Variants in CRB2 observed in about 807,000 individuals in gnomAD.
CRB2 encodes the protein protein crumbs homolog 2.
CRB2 carries 85 observed loss-of-function variants against 110.9 expected under a neutral mutation model. The ratio of observed to expected loss-of-function variants is 0.77; its 90% CI spans 0.64 to 0.92. The LOEUF is 0.92. Among genes scored for constraint, CRB2 ranks in the 40% least tolerant of loss-of-function variants. The probability of loss-of-function intolerance (pLI) is 0.00; values close to 1 mark genes in which losing one functional copy is unlikely to be tolerated. For missense variants in CRB2, 1,843 were observed against 1,851.3 expected (o/e 1.00, Z 0.08); for synonymous variants, 907 against 831.0 (o/e 1.09, Z -1.57).
intron 6 of CRB2, 86 bp from the exon 7 acceptor site, chr9:123,370,022 C>T: frequency 6.9e-7 from 1 of 1,451,794 alleles, no homozygotes; most frequent in South Asian, 1.4e-5. Flanking sequence ...ACTGAGGTCC[C>T]CATCATAAGA....
At chr9:123,362,832 C>T (rs1356526454) in intron 1 of CRB2, 33 bp from the exon 2 acceptor site, 2 of 1,540,290 alleles carry the variant, frequency 1.3e-6, no homozygotes, top group Non-Finnish European at 8.8e-7. Context: ...TAACCTCTGC[C>T]CACCCTGCCC....
rs766249014 is a variant in CRB2, at chr9:123,370,146, G to C, written c.1093G>C (p.Asp365His). ...GGAAGATGTGGATGAATGCCTGTCG[G>C]ATCCCTGCCTGCACGGCGGAACCTG... ...CEEDVDECLS[D>H]PCLHGGTCSD... Residue 365 changes from aspartate to histidine, a missense_variant, in exon 7 of 13, where the codon GAT (aspartate) becomes CAT (histidine). Transcript: ENST00000373631. The C allele has an allele frequency of 7.5e-6, 12 of 1,604,520 alleles. No individual in the cohort carries two copies. Among genetic ancestry groups the C allele is most frequent in the South Asian group, 1.1e-5 (1 of 90,100 alleles).
At position 123,370,783 on chromosome 9, in the gene CRB2, C is replaced by T. The variant is rs1236772210; in HGVS notation, c.1730C>T (p.Ala577Val). ...SSAQLGDATFAGCLQDVRVDG... is the reference protein window; with the variant it reads ...SSAQLGDATFVGCLQDVRVDG... Reference sequence around the variant, plus strand: ...GCCCAGCTGGGGGACGCGACCTTTGCAGGCTGCCTCCAGGACGTGCGTGTG... The same window carrying T: ...GCCCAGCTGGGGGACGCGACCTTTGTAGGCTGCCTCCAGGACGTGCGTGTG... Residue 577 changes from alanine to valine, a missense_variant, in exon 7 of 13, where the codon GCA (alanine) becomes GTA (valine). By Grantham distance (64) the Ala-to-Val change is moderately conservative (BLOSUM62 0). Transcript: ENST00000373631. The T allele has an allele frequency of 8.7e-6, 14 of 1,602,768 alleles. No homozygotes were observed. The East Asian group carries it at 2.7e-4, about 31-fold the overall frequency.
intron 1 of CRB2, among the ~76,000 whole-genome samples, chr9:123,357,347 A>G (rs2041811798): frequency 6.6e-6 from 1 of 151,812 alleles, no homozygotes; most frequent in South Asian, 2.1e-4. Flanking sequence ...GAGGGAGCCA[A>G]GGAGGGCCTG....
In CRB2 at chr9:123,373,573, G is replaced by C; in HGVS notation, c.3042G>C (p.Leu1014Phe). Residue 1014 changes from leucine to phenylalanine, a missense_variant, in exon 10 of 13, where the codon TTG (leucine) becomes TTC (phenylalanine). By Grantham distance (22) the Leu-to-Phe change is conservative. Transcript: ENST00000373631. Reference sequence around the variant, plus strand: ...TGGCTGAGAACTTCACCGGCTGCTTGGGCCGCGTGGCGCTGGGCGGCCTGC... The same window carrying C: ...TGGCTGAGAACTTCACCGGCTGCTTCGGCCGCGTGGCGCTGGGCGGCCTGC... ...ILLAENFTGC[L>F]GRVALGGLPL... is the part of the protein sequence containing the mutation. The C allele has an allele frequency of 4.1e-6, 6 of 1,460,682 alleles. No individual in the cohort carries two copies. The highest frequency in any genetic ancestry group is 5.4e-6 in the Non-Finnish European group (6 of 1,109,232). 90.5% of individuals were successfully genotyped at this position (1,460,682 alleles called of 1,614,324 possible).
intron 1 of CRB2, among the ~76,000 whole-genome samples, chr9:123,359,102 C>T (rs2041831673): frequency 6.6e-6 from 1 of 152,116 alleles, no homozygotes; most frequent in Non-Finnish European, 1.5e-5. Context: ...GCTATTGTTG[C>T]AATTACTGTT....
Position 123,362,937 on chromosome 9 carries a change from C to T in CRB2, c.167C>T (p.Thr56Ile). ...GCTCCAGGGACCGAGTGCCAGGCTA[C>T]CGAGAGTGGTGGCTATACCTGTGGG... Reference protein sequence around the residue: ...PCAPGTECQATESGGYTCGPM... With the variant: ...PCAPGTECQAIESGGYTCGPM... The change falls in exon 2 of 13, where the codon ACC (threonine) becomes ATC (isoleucine). Residue 56 changes from threonine (T) to isoleucine (I), a missense_variant. Coordinates refer to ENST00000373631, the MANE Select transcript of CRB2 (RefSeq NM_173689.7). 3 of 1,605,644 alleles carry T rather than the reference C, an allele frequency of 1.9e-6. No individual in the cohort carries two copies. The highest frequency in any genetic ancestry group is 1.7e-6 in the Non-Finnish European group (2 of 1,173,666).
intron 2 of CRB2, among the ~76,000 whole-genome samples, chr9:123,364,317 T>TGCGGGCAG: frequency 6.6e-6 from 1 of 152,154 alleles, no homozygotes; most frequent in Non-Finnish European, 1.5e-5. Context: ...CAGTGGGTTG[T>TGCGGGCAG]TCGGGCAGTG....
intron 1 of CRB2, among the ~76,000 whole-genome samples, chr9:123,361,137 A>AGGGGGGGGGGGG (rs1554781920): frequency 1.3e-4 from 7 of 53,810 alleles, no homozygotes; most frequent in Non-Finnish European, 3.2e-4. Flanking sequence ...ATGGGCGGGG[A>AGGGGGGGGGGGG]GGGGGGGGGG....
intron 1 of CRB2, among the ~76,000 whole-genome samples, chr9:123,360,818 C>T (rs2041858443): frequency 1.3e-5 from 2 of 152,150 alleles, no homozygotes; most frequent in African/African-American, 2.4e-5. Context: ...GAGGTAAATG[C>T]CAAGATCAAC....
intron 1 of CRB2, 46 bp downstream of exon 1, chr9:123,356,400 C>T (rs1458931064): frequency 1.4e-6 from 2 of 1,422,910 alleles, no homozygotes; most frequent in African/African-American, 1.4e-5. Flanking sequence ...AGGGTCTGTC[C>T]CCCAAGACAG....
At chr9:123,376,144 C>T (rs551286519) in intron 12 of CRB2, among the ~76,000 whole-genome samples, 33 of 152,212 alleles carry the variant, frequency 2.2e-4, no homozygotes, top group Non-Finnish European at 4.6e-4. Context: ...ACGGTGGAGG[C>T]TGGCAGGACC....
In CRB2 at chr9:123,373,490, C is replaced by T. The variant is rs1414490250; in HGVS notation, c.2959C>T (p.Arg987Cys). Residue 987 changes from arginine to cysteine, a missense_variant, in exon 10 of 13, where the codon CGC (arginine) becomes TGC (cysteine). Physicochemically the swap from Arg to Cys is radical, Grantham distance 180. Coordinates refer to ENST00000373631, the MANE Select transcript of CRB2 (RefSeq NM_173689.7). ...LDGAATPVAL[R>C]GLASDLGFLQ... The stretch of plus-strand genomic sequence containing the variant: ...TGGTGCCGCCACCCCGGTGGCGCTG[C>T]GCGGCCTGGCCAGTGACCTGGGCTT... 6.9e-7 allele frequency: 1 copy of T among 1,450,992 alleles called. No homozygotes were observed. Among genetic ancestry groups the T allele is most frequent in the Non-Finnish European group, 9.0e-7 (1 of 1,111,614 alleles). The allele number at this position is 1,450,992 out of a possible 1,614,324, so 89.9% of individuals were successfully genotyped here.
chr9:123,365,575 A>C (rs1223293376), intron 2 of CRB2, among the ~76,000 whole-genome samples: 2 of 152,150 alleles, frequency 1.3e-5, no homozygotes, highest in Non-Finnish European at 2.9e-5. Flanking sequence ...GCCTTCCCTG[A>C]ACAGAGCAGA....
At chr9:123,364,255 G>C (rs911225731) in intron 2 of CRB2, among the ~76,000 whole-genome samples, 1 of 103,340 alleles carries the variant, frequency 9.7e-6, no homozygotes, top group Non-Finnish European at 2.2e-5. Context: ...TTTTGCATCT[G>C]TAAAGATCTG....
At position 123,378,132 on chromosome 9, in the gene CRB2, A is replaced by G. The variant is rs1421622244; in HGVS notation, c.*1070A>G. 6.6e-6 allele frequency: 1 copy of G among 152,234 alleles called. No homozygotes were observed. Among genetic ancestry groups the G allele is most frequent in the Non-Finnish European group, 1.5e-5 (1 of 68,088 alleles). The allele number at this position is 152,234 out of a possible 1,614,324, so 9.4% of individuals were successfully genotyped here. On this transcript the variant is annotated 3_prime_UTR_variant, in exon 13 of 13. Coordinates refer to ENST00000373631, the MANE Select transcript of CRB2 (RefSeq NM_173689.7). ...GCCTCTACACAGACTCGGCGAGAGG[A>G]CTTGAAGGAAGCCCTCTGGGTTGTC...
intron 1 of CRB2, 74 bp from the exon 2 acceptor site, chr9:123,362,791 G>A: frequency 1.4e-6 from 2 of 1,436,356 alleles, no homozygotes; most frequent in Non-Finnish European, 9.4e-7. Context: ...TCTGGGGTGG[G>A]CCTGAGAGGG....
At chr9:123,368,820 G>A (rs1339333341) in intron 6 of CRB2, 6 of 1,226,276 alleles carry the variant, frequency 4.9e-6, no homozygotes, top group Non-Finnish European at 4.2e-6. Flanking sequence ...GGCCAGGCAG[G>A]GAGCTCTGCC....
intron 12 of CRB2, among the ~76,000 whole-genome samples, chr9:123,375,606 G>A (rs1470580434): frequency 1.3e-5 from 2 of 152,236 alleles, no homozygotes; most frequent in African/African-American, 2.4e-5. Flanking sequence ...AGAGTGCCCA[G>A]GGCAGTGGCA....
Sources: gnomAD v4.1 joint callset for allele counts (sites outside exome capture counted in the v4.1 genomes callset) on GRCh38, gnomAD v4.1.1 for gene constraint, MANE v1.5 for transcripts, NCBI Gene and HGNC (gene_info 2026-07-23, HGNC 2026-07-21) for gene names.